The following LRRC4C variants were observed in gnomAD, a reference collection of about 807,000 sequenced individuals.
LRRC4C encodes the protein leucine-rich repeat-containing protein 4C.
Under a neutral mutation model 33.6 loss-of-function variants are expected in LRRC4C, and 5 were observed. The observed-to-expected ratio is 0.15, with a 90% CI of 0.08 to 0.31. LRRC4C has a LOEUF of 0.31. Among genes scored for constraint, LRRC4C ranks in the 10% least tolerant of loss-of-function variants. The pLI is 1.00. For synonymous variants in LRRC4C, 329 were observed against 302.0 expected (o/e 1.09, Z -0.93); for missense variants, 560 against 796.7 (o/e 0.70, Z 3.58).
chr11:40,627,484 A>C (rs1289729449), intron 3 of LRRC4C, among the ~76,000 whole-genome samples: 1 of 152,166 alleles, frequency 6.6e-6, no homozygotes, highest in African/African-American at 2.4e-5. Flanking sequence ...CATTCTTGTA[A>C]AATAAAATTT....
chr11:41,381,377 C>T (rs1165259058), intron 1 of LRRC4C, among the ~76,000 whole-genome samples: 5 of 152,052 alleles, frequency 3.3e-5, no homozygotes, highest in Non-Finnish European at 1.5e-5. Context: ...TCTGTAATCC[C>T]AGTACTTTGG....
chr11:40,931,661 A>ATGTG (rs56698782), intron 2 of LRRC4C, among the ~76,000 whole-genome samples: 3 of 150,392 alleles, frequency 2.0e-5, no homozygotes, highest in South Asian at 2.1e-4. Flanking sequence ...AGGGGTGTGT[A>ATGTG]TGTGTGTGTG....
intron 3 of LRRC4C, among the ~76,000 whole-genome samples, chr11:40,621,132 TAGAC>T (rs1163364252): frequency 6.6e-6 from 1 of 151,772 alleles, no homozygotes; most frequent in African/African-American, 2.4e-5. Context: ...AACATCCTCT[TAGAC>T]AGTCTGCTGT....
At chr11:40,708,047 C>T (rs574681859) in intron 2 of LRRC4C, among the ~76,000 whole-genome samples, 9 of 152,190 alleles carry the variant, frequency 5.9e-5, no homozygotes, top group South Asian at 4.1e-4. Context: ...TCTGTGGGAT[C>T]GGTGGTGACA....
At chr11:41,071,416 T>C (rs1239393765) in intron 1 of LRRC4C, among the ~76,000 whole-genome samples, 2 of 151,710 alleles carry the variant, frequency 1.3e-5, no homozygotes, top group South Asian at 2.1e-4. Context: ...TAAAGTAAAA[T>C]AGAAAAAATA....
intron 1 of LRRC4C, among the ~76,000 whole-genome samples, chr11:41,325,577 T>TTTGTGTGTG (rs202169756): frequency 4.8e-5 from 5 of 104,160 alleles, no homozygotes; most frequent in Admixed American, 3.1e-4. Context: ...TTTTTTTTTT[T>TTTGTGTGTG]TGTGTGTGTG....
chr11:40,856,622 G>C (rs1355398528), intron 2 of LRRC4C, among the ~76,000 whole-genome samples: 1 of 152,132 alleles, frequency 6.6e-6, no homozygotes, highest in African/African-American at 2.4e-5. Context: ...TCTTGGCATT[G>C]GCATTTCAGA....
chr11:40,462,649 A>G (rs1302663012), intron 3 of LRRC4C, among the ~76,000 whole-genome samples: 4 of 152,100 alleles, frequency 2.6e-5, no homozygotes, highest in African/African-American at 9.7e-5. Flanking sequence ...TTATTCATTA[A>G]TCAAAATTAT....
chr11:40,912,364 A>C (rs1956738451), intron 2 of LRRC4C, among the ~76,000 whole-genome samples: 3 of 152,362 alleles, frequency 2.0e-5, no homozygotes, highest in Admixed American at 6.5e-5. Flanking sequence ...GAAACTCTAC[A>C]AGCCAGAAGA....
chr11:40,918,188 G>A (rs1488292142), intron 2 of LRRC4C, among the ~76,000 whole-genome samples: 1 of 152,000 alleles, frequency 6.6e-6, no homozygotes, highest in African/African-American at 2.4e-5. Flanking sequence ...CAGCCTTTTA[G>A]TTATCTAAAG....
chr11:40,165,773 C>T (rs1859539634), intron 5 of LRRC4C, among the ~76,000 whole-genome samples: 2 of 152,124 alleles, frequency 1.3e-5, no homozygotes, highest in Non-Finnish European at 2.9e-5. Flanking sequence ...TGGAGGAACC[C>T]TGTCTCTACT....
At chr11:41,096,796 T>G (rs1336805447) in intron 1 of LRRC4C, among the ~76,000 whole-genome samples, 1 of 152,054 alleles carries the variant, frequency 6.6e-6, no homozygotes, top group Non-Finnish European at 1.5e-5. Flanking sequence ...TAAGTCCTAG[T>G]AAAAGATTTT....
At chr11:41,221,154 C>T (rs887540099) in intron 1 of LRRC4C, among the ~76,000 whole-genome samples, 1 of 151,960 alleles carries the variant, frequency 6.6e-6, no homozygotes, top group Admixed American at 6.6e-5. Flanking sequence ...CTCCACCTTC[C>T]GAAAGGACCC....
At chr11:40,892,547 C>T (rs781597273) in intron 2 of LRRC4C, among the ~76,000 whole-genome samples, 1 of 151,976 alleles carries the variant, frequency 6.6e-6, no homozygotes, top group Non-Finnish European at 1.5e-5. Context: ...TCAAAATGTC[C>T]ATCAACAGAT....
chr11:40,496,734 C>T (rs1954481099), intron 3 of LRRC4C, among the ~76,000 whole-genome samples: 1 of 152,092 alleles, frequency 6.6e-6, no homozygotes, highest in African/African-American at 2.4e-5. Context: ...TGGGGAGTCT[C>T]TGAAACCATG....
chr11:40,488,885 T>A (rs921637089), intron 3 of LRRC4C, among the ~76,000 whole-genome samples: 1 of 152,088 alleles, frequency 6.6e-6, no homozygotes, highest in African/African-American at 2.4e-5. Context: ...CAGTGAATGA[T>A]CTTATGCCTG....
At chr11:40,524,622 A>T (rs1007811692) in intron 3 of LRRC4C, among the ~76,000 whole-genome samples, 1 of 152,218 alleles carries the variant, frequency 6.6e-6, no homozygotes, top group Non-Finnish European at 1.5e-5. Flanking sequence ...AAAGCTTCTG[A>T]AATGGATAGA....
intron 3 of LRRC4C, among the ~76,000 whole-genome samples, chr11:40,435,995 G>A (rs921426639): frequency 5.9e-5 from 9 of 152,030 alleles, no homozygotes; most frequent in Non-Finnish European, 7.4e-5. Context: ...TGCTCCTTTT[G>A]TTCTACCTGA....
At chr11:40,665,319 AAAAAAAATATATATATATAT>A (rs1565614598) in intron 2 of LRRC4C, among the ~76,000 whole-genome samples, 2 of 20,448 alleles carry the variant, frequency 9.8e-5, no homozygotes, top group African/African-American at 2.6e-4. Context: ...AAAAAAAAAA[AAAAAAAATATATATATATAT>A]ATATATATAT....
Sources: allele counts gnomAD v4.1 joint callset (sites outside exome capture counted in the v4.1 genomes callset), GRCh38; gene constraint gnomAD v4.1.1; transcripts MANE v1.5; gene names NCBI Gene and HGNC (gene_info 2026-07-23, HGNC 2026-07-21).